The following ASTN2 variants were observed in gnomAD, a reference collection of about 807,000 sequenced individuals.
The protein encoded by ASTN2 is astrotactin-2.
ASTN2 carries 54 observed loss-of-function variants against 139.8 expected under a neutral mutation model. That is an observed-to-expected ratio of 0.39 (90% CI 0.31 to 0.48). The LOEUF is 0.48. Ranked by LOEUF, ASTN2 falls within the 20% of genes least tolerant of loss-of-function variation. The pLI, the probability that ASTN2 is intolerant of heterozygous loss-of-function variation, is 0.95. For missense variants in ASTN2, 1,565 were observed against 1,725.1 expected (o/e 0.91, Z 1.64); for synonymous variants, 756 against 719.5 (o/e 1.05, Z -0.81).
intron 7 of ASTN2, among the ~76,000 whole-genome samples, chr9:116,991,012 C>T (rs886445297): frequency 1.3e-5 from 2 of 152,148 alleles, no homozygotes; most frequent in African/African-American, 4.8e-5. Context: ...CAACGTAAAT[C>T]CATACTCCAA....
chr9:117,097,667 C>A (rs754898840), intron 4 of ASTN2, among the ~76,000 whole-genome samples: 1 of 152,156 alleles, frequency 6.6e-6, no homozygotes, highest in Non-Finnish European at 1.5e-5. Context: ...CTCTTTGCAT[C>A]TTTTCAATCA....
At chr9:116,579,742 A>T (rs1853871962) in intron 19 of ASTN2, among the ~76,000 whole-genome samples, 1 of 152,148 alleles carries the variant, frequency 6.6e-6, no homozygotes, top group Non-Finnish European at 1.5e-5. Flanking sequence ...ACATAAAATA[A>T]AATAACCCCG....
intron 17 of ASTN2, among the ~76,000 whole-genome samples, chr9:116,642,949 G>A (rs1857412313): frequency 6.6e-6 from 1 of 152,106 alleles, no homozygotes; most frequent in East Asian, 1.9e-4. Context: ...CAGGCCTGTT[G>A]CAAGAATGGC....
chr9:116,707,330 T>G (rs1828019233), intron 16 of ASTN2, among the ~76,000 whole-genome samples: 1 of 143,504 alleles, frequency 7.0e-6, no homozygotes, highest in Non-Finnish European at 1.5e-5. Context: ...TCCTAAGGGT[T>G]ATAGGGAAAA....
At chr9:117,100,032 G>A (rs1425274688) in intron 4 of ASTN2, among the ~76,000 whole-genome samples, 1 of 152,322 alleles carries the variant, frequency 6.6e-6, no homozygotes, top group East Asian at 1.9e-4. Flanking sequence ...TGGATGTAGA[G>A]GGCTGGCAAA....
At chr9:116,805,109 A>AGGGTGTGT (rs1830995203) in intron 13 of ASTN2, among the ~76,000 whole-genome samples, 1 of 143,022 alleles carries the variant, frequency 7.0e-6, no homozygotes, top group Non-Finnish European at 1.5e-5. Context: ...GGATTTGGGG[A>AGGGTGTGT]GTGTGTGTGT....
intron 16 of ASTN2, among the ~76,000 whole-genome samples, chr9:116,697,042 A>G (rs372518768): frequency 5.9e-5 from 9 of 151,628 alleles, no homozygotes; most frequent in East Asian, 3.9e-4. Flanking sequence ...CTTTCAAGAC[A>G]TATCTTAGGA....
chr9:116,763,968 T>G (rs553302828), intron 13 of ASTN2, among the ~76,000 whole-genome samples: 1 of 152,250 alleles, frequency 6.6e-6, no homozygotes, highest in Admixed American at 6.5e-5. Context: ...AGAAACAGGA[T>G]GTAGCTTTCA....
intron 1 of ASTN2, among the ~76,000 whole-genome samples, chr9:117,375,732 C>G (rs1830105594): frequency 2.0e-5 from 3 of 152,168 alleles, no homozygotes; most frequent in Admixed American, 6.5e-5. Context: ...TAACGAATGA[C>G]CACAAACTTA....
At chr9:116,775,257 T>C (rs1830051798) in intron 13 of ASTN2, among the ~76,000 whole-genome samples, 1 of 151,942 alleles carries the variant, frequency 6.6e-6, no homozygotes, top group Non-Finnish European at 1.5e-5. Flanking sequence ...CTCTGAGATT[T>C]CAAAGGAAAG....
At chr9:117,196,475 T>C (rs1373975403) in intron 3 of ASTN2, among the ~76,000 whole-genome samples, 2 of 152,184 alleles carry the variant, frequency 1.3e-5, no homozygotes, top group Non-Finnish European at 2.9e-5. Context: ...CCAACAAGCA[T>C]TCCATTCAGA....
intron 1 of ASTN2, among the ~76,000 whole-genome samples, chr9:117,412,834 A>G (rs1003498808): frequency 6.6e-6 from 1 of 152,226 alleles, no homozygotes; most frequent in African/African-American, 2.4e-5. Context: ...GGCAAGAGCC[A>G]GCTGTGAGCC....
chr9:116,565,388 C>CTCTATAT (rs1564120372), intron 19 of ASTN2, among the ~76,000 whole-genome samples: 1 of 34,018 alleles, frequency 2.9e-5, no homozygotes, highest in Non-Finnish European at 4.8e-5. Context: ...TCTCTCTCTC[C>CTCTATAT]ATATATATAT....
At chr9:116,972,491 G>C (rs1384939426) in intron 10 of ASTN2, among the ~76,000 whole-genome samples, 1 of 151,658 alleles carries the variant, frequency 6.6e-6, no homozygotes, top group Non-Finnish European at 1.5e-5. Context: ...ACATATTTCT[G>C]TTATACATAT....
At chr9:117,178,648 A>G (rs544798187) in intron 3 of ASTN2, among the ~76,000 whole-genome samples, 1 of 152,334 alleles carries the variant, frequency 6.6e-6, no homozygotes, top group Non-Finnish European at 1.5e-5. Context: ...GCTGGCAGGA[A>G]AAGTGTGGAA....
chr9:116,830,351 T>C (rs146368522), intron 11 of ASTN2, among the ~76,000 whole-genome samples: 3,897 of 152,128 alleles, frequency 0.026, 188 homozygotes, highest in African/African-American at 0.09. Flanking sequence ...GGTGAGGCTG[T>C]GGAGAAAAAG....
At chr9:117,331,613 G>T (rs2130849829) in intron 1 of ASTN2, among the ~76,000 whole-genome samples, 1 of 152,254 alleles carries the variant, frequency 6.6e-6, no homozygotes, top group East Asian at 1.9e-4. Context: ...ATAAATAAAT[G>T]GGTGGTGTGC....
chr9:116,446,262 GAGAGAGAGAT>G (rs1430799139), intron 20 of ASTN2, among the ~76,000 whole-genome samples: 12 of 85,890 alleles, frequency 1.4e-4, no homozygotes, highest in Admixed American at 4.9e-4. Flanking sequence ...GAGGGAGAGA[GAGAGAGAGAT>G]AGAGAGAGAG....
intron 10 of ASTN2, among the ~76,000 whole-genome samples, chr9:116,883,693 C>A (rs955552930): frequency 6.6e-6 from 1 of 152,192 alleles, no homozygotes; most frequent in African/African-American, 2.4e-5. Context: ...CATAAACTAT[C>A]CACGCTCTTC....
Sources: allele counts gnomAD v4.1 joint callset (sites outside exome capture counted in the v4.1 genomes callset), GRCh38; gene constraint gnomAD v4.1.1; transcripts MANE v1.5; gene names NCBI Gene and HGNC (gene_info 2026-07-23, HGNC 2026-07-21).